The following ZSCAN5C variants were observed in gnomAD, a reference collection of about 807,000 sequenced individuals.
The protein encoded by ZSCAN5C is zinc finger and SCAN domain containing 5C, also known as zinc finger and SCAN domain-containing protein 5C.
A neutral mutation model predicts 17.3 loss-of-function variants in ZSCAN5C; 11 were observed. The ratio of observed to expected loss-of-function variants is 0.64; its 90% confidence interval spans 0.40 to 1.06. ZSCAN5C has a LOEUF of 1.06. ZSCAN5C is among the 50% of genes least tolerant of loss of function. The probability of loss-of-function intolerance (pLI) is 0.00; values close to 1 mark genes in which losing one functional copy is unlikely to be tolerated. For missense variants in ZSCAN5C, 698 were observed against 538.9 expected, an observed-to-expected ratio of 1.30 and a Z score of -2.92; for synonymous variants, 229 against 208.4, an observed-to-expected ratio of 1.10 and a Z score of -0.85.
exon 5 of ZSCAN5C, chr19:56,209,029 C>T (rs760515931): frequency 1.2e-6 from 2 of 1,612,272 alleles, no homozygotes; most frequent in Non-Finnish European, 1.7e-6. Context: ...AGAAGCCCTT[C>T]GAATGTAAAG....
At chr19:56,203,937 C>T (rs2032896176) in intron 1 of ZSCAN5C, among the ~76,000 whole-genome samples, 4 of 151,856 alleles carry the variant, frequency 2.6e-5, no homozygotes, top group South Asian at 2.1e-4. Flanking sequence ...GCGTGAGCCA[C>T]CACACTCAGC....
chr19:56,207,481 G>A lies in ZSCAN5C; in HGVS notation c.588+219G>A, dbSNP rs551467275. ...ATGAGAGCTTTTAGCATGTAGGGTG[G>A]GGGGTAAGAAATGGTCTCGGTGAAA... On this transcript the variant is annotated intron_variant, in intron 3 of 4. Transcript: ENST00000534327. 2.6e-3 allele frequency among the ~76,000 whole-genome samples: 395 copies of A among 151,614 alleles called. 12 individuals carry two copies. Among genetic ancestry groups the A allele is most frequent in the African/African-American group, 8.9e-3 (367 of 41,026 alleles).
At chr19:56,203,213 C>A (rs1035635764) in intron 1 of ZSCAN5C, among the ~76,000 whole-genome samples, 2 of 151,852 alleles carry the variant, frequency 1.3e-5, no homozygotes, top group Non-Finnish European at 2.9e-5. Flanking sequence ...GCAGCAGGTG[C>A]CCTGTGGCAA....
chr19:56,204,116 C>T (rs1410877483), intron 1 of ZSCAN5C, among the ~76,000 whole-genome samples: 1 of 151,832 alleles, frequency 6.6e-6, no homozygotes, highest in Non-Finnish European at 1.5e-5. Flanking sequence ...ACCCATCACC[C>T]AGGATGTGAG....
At chr19:56,209,161 A>T (rs1213774766) in exon 5 of ZSCAN5C, 1 of 1,176,858 alleles carries the variant, frequency 8.5e-7, no homozygotes, top group Admixed American at 2.0e-5. Flanking sequence ...CGACCTTAAG[A>T]CGCCACCAGA....
chr19:56,207,619 A>G (rs146784095), intron 3 of ZSCAN5C, among the ~76,000 whole-genome samples: 1,664 of 151,916 alleles, frequency 0.011, 52 homozygotes, highest in African/African-American at 0.037. Context: ...ACAGATTGTC[A>G]ATTTCTTAAT....
At chr19:56,208,858 C>A (rs2032956512) in exon 5 of ZSCAN5C, 2 of 1,571,232 alleles carry the variant, frequency 1.3e-6, no homozygotes, top group South Asian at 2.2e-5. Context: ...GCGAGAGACT[C>A]TTTCAGTGTA....
intron 1 of ZSCAN5C, among the ~76,000 whole-genome samples, chr19:56,203,402 A>T (rs2032890431): frequency 6.6e-6 from 1 of 151,972 alleles, no homozygotes; most frequent in Non-Finnish European, 1.5e-5. Flanking sequence ...GCTGATATTC[A>T]CATGCCTTAC....
exon 5 of ZSCAN5C, chr19:56,208,709 C>A (rs1274755537): frequency 6.2e-7 from 1 of 1,612,748 alleles, no homozygotes; most frequent in South Asian, 1.1e-5. Context: ...CAATCCAGTT[C>A]ATTCCCCAGG....
chr19:56,205,675 C>A, intron 1 of ZSCAN5C, 112 bp from the exon 2 acceptor site: 1 of 498,896 alleles, frequency 2.0e-6, no homozygotes, highest in Non-Finnish European at 3.6e-6. Flanking sequence ...TTCCACGGTG[C>A]TGAGTCCAAT....
intron 1 of ZSCAN5C, among the ~76,000 whole-genome samples, chr19:56,202,662 G>T (rs1026296036): frequency 2.6e-5 from 4 of 151,900 alleles, no homozygotes; most frequent in Non-Finnish European, 5.9e-5. Flanking sequence ...CAAACGATCC[G>T]CCTGCCTCTG....
At chr19:56,209,136 C>A in exon 5 of ZSCAN5C, 1 of 1,504,884 alleles carries the variant, frequency 6.6e-7, no homozygotes, top group Non-Finnish European at 9.2e-7. Context: ...TGTCCAAGAG[C>A]CTTCGGTCGG....
At chr19:56,207,131 A>G (rs2032930741) in exon 3 of ZSCAN5C, 1 of 776,110 alleles carries the variant, frequency 1.3e-6, no homozygotes, top group Non-Finnish European at 2.4e-6. Context: ...AGCCCCCGCC[A>G]GTGTCAGAGA....
chr19:56,209,443 A>T (rs1380854632), downstream of ZSCAN5C: 30 of 419,698 alleles, frequency 7.1e-5, no homozygotes, highest in South Asian at 7.4e-4. Flanking sequence ...TAAACATCTT[A>T]TTAGTTTTCA....
At position 56,208,987 on chromosome 19, in the gene ZSCAN5C, C is replaced by G. The variant is rs757655840; in HGVS notation, c.1278C>G (p.Tyr426Ter). The G allele has an allele frequency of 3.7e-6, 6 of 1,613,322 alleles. No individual in the cohort carries two copies. The African/African-American group carries it at 8.0e-5, about 22-fold the overall frequency. The change falls in exon 5 of 5, where the codon TAC (tyrosine) becomes TAG (stop). Residue 426 changes from tyrosine (Y) to a stop codon, truncating the protein, a stop_gained. Transcript: ENST00000534327. LOFTEE classifies it low-confidence loss of function (END_TRUNC). ...AGAAGCAGTTCACCCAGAAGTCCTA[C>G]TTGAAGTGTCACAAGAGAAGCCACA...
intron 1 of ZSCAN5C, among the ~76,000 whole-genome samples, chr19:56,205,097 C>G (rs759252276): frequency 6.6e-6 from 1 of 151,736 alleles, no homozygotes; most frequent in Admixed American, 6.6e-5. Flanking sequence ...GCGGTGATCA[C>G]TGATGAGGAT....
chr19:56,202,371 G>A (rs571800583), intron 1 of ZSCAN5C, 49 bp downstream of exon 1: 1 of 149,968 alleles, frequency 6.7e-6, no homozygotes, highest in South Asian at 2.1e-4. Flanking sequence ...TGGCCTGCAG[G>A]GGTTGGTTTC....
intron 3 of ZSCAN5C, among the ~76,000 whole-genome samples, chr19:56,207,730 T>C (rs2032939810): frequency 6.6e-6 from 1 of 151,726 alleles, no homozygotes; most frequent in South Asian, 2.1e-4. Flanking sequence ...GGGGTGTTGA[T>C]AGCATCTAGA....
In ZSCAN5C at chr19:56,206,784, C is replaced by T. The variant is rs551315611; in HGVS notation, c.385-275C>T. Among the ~76,000 whole-genome samples the T allele has an allele frequency of 1.7e-3, 202 of 115,576 alleles. No individual in the cohort carries two copies. The Middle Eastern group carries it at 0.032, about 18-fold the overall frequency. 75.8% of individuals were successfully genotyped at this position (115,576 alleles called of 152,430 possible). On this transcript the variant is annotated intron_variant, in intron 2 of 4. Transcript: ENST00000534327. ...GAGATTCAGGGATCTGCCTCCAGGT[C>T]CGCACATGAGCCCGCCATCAGCCAA...
Sources: allele counts gnomAD v4.1 joint callset (sites outside exome capture counted in the v4.1 genomes callset), GRCh38; gene constraint gnomAD v4.1.1; transcripts MANE v1.5; gene names NCBI Gene and HGNC (gene_info 2026-07-23, HGNC 2026-07-21).